ARL13B: variants seen among roughly 807,000 people sequenced by gnomAD.
The protein encoded by ARL13B is ARF like GTPase 13B, also known as ADP-ribosylation factor-like protein 13B.
ARL13B carries 36 observed loss-of-function variants against 56.1 expected under a neutral mutation model. The ratio of observed to expected loss-of-function variants is 0.64; its 90% CI spans 0.49 to 0.85. ARL13B has a LOEUF of 0.85. ARL13B is among the 40% of genes least tolerant of loss of function. The probability of loss-of-function intolerance (pLI) is 0.00; values close to 1 mark genes in which losing one functional copy is unlikely to be tolerated. For missense variants in ARL13B, 519 were observed against 507.1 expected (o/e 1.02, Z -0.23); for synonymous variants, 178 against 171.1 (o/e 1.04, Z -0.32).
rs1366277883 is a variant in ARL13B, at chr3:94,053,898, A to C, written c.*635A>C. On this transcript the variant is annotated 3_prime_UTR_variant, in exon 10 of 10. Transcript: ENST00000394222. The stretch of plus-strand genomic sequence containing the variant: ...TAATAGCGTTGTTCTTTAAGTGTAC[A>C]TCGTAATTTGACCTAATTTAAAAAT... 9.4e-6 allele frequency: 3 copies of C among 318,598 alleles called. No homozygotes were observed. The Admixed American group carries it at 1.3e-4, about 14-fold the overall frequency. The allele number at this position is 318,598 out of a possible 1,614,324, so 19.7% of individuals were successfully genotyped here. A position where few individuals can be genotyped will look rare whatever the true frequency, so the allele number is the denominator to read the frequency against.
At chr3:93,981,179 A>G (rs1710197762) in intron 1 of ARL13B, among the ~76,000 whole-genome samples, 1 of 152,242 alleles carries the variant, frequency 6.6e-6, no homozygotes, top group Non-Finnish European at 1.5e-5. Flanking sequence ...CTTGATATTC[A>G]TTCATTCAAA....
chr3:94,035,442 GTTTTT>G lies in ARL13B; in HGVS notation c.486+18_486+22del. The G allele has an allele frequency of 2.3e-6, 3 of 1,285,212 alleles. No individual in the cohort carries two copies. The highest frequency in any genetic ancestry group is 3.2e-6 in the Non-Finnish European group (3 of 936,202). 79.6% of individuals were successfully genotyped at this position (1,285,212 alleles called of 1,614,324 possible). A position where few individuals can be genotyped will look rare whatever the true frequency, so the allele number is the denominator to read the frequency against. ...ACAAGTGCCTGTGTCAGATAGTAAG[GTTTTT>G]TTTTTTTTTTTAATTTTAATTTTTT... On this transcript the variant is annotated splice_region_variant and intron_variant, in intron 4 of 9. Transcript: ENST00000394222.
chr3:94,029,315 TATATATATATATATATATA>T (rs1181580870), intron 3 of ARL13B, among the ~76,000 whole-genome samples: 1 of 98,224 alleles, frequency 1.0e-5, no homozygotes, highest in Non-Finnish European at 1.9e-5. Flanking sequence ...TATATATATA[TATATATATATATATATATA>T]TTTATTTTTT....
At chr3:94,017,300 G>A (rs1462143342) in intron 3 of ARL13B, among the ~76,000 whole-genome samples, 1 of 152,204 alleles carries the variant, frequency 6.6e-6, no homozygotes, top group South Asian at 2.1e-4. Context: ...ACTCCAAAGG[G>A]CAGTGGGTGG....
intron 3 of ARL13B, among the ~76,000 whole-genome samples, chr3:94,016,221 AT>A (rs2076330718): frequency 1.3e-5 from 2 of 152,184 alleles, no homozygotes; most frequent in Admixed American, 6.5e-5. Flanking sequence ...CTTTCAAGAC[AT>A]TTTTGAAGAT....
intron 1 of ARL13B, among the ~76,000 whole-genome samples, chr3:93,993,346 G>A (rs534081036): frequency 2.6e-5 from 4 of 151,682 alleles, no homozygotes; most frequent in East Asian, 3.9e-4. Flanking sequence ...GGCTGGTCTC[G>A]AACTCCTGAG....
At chr3:94,052,426 T>C (rs973578590) in intron 9 of ARL13B, among the ~76,000 whole-genome samples, 1 of 152,030 alleles carries the variant, frequency 6.6e-6, no homozygotes, top group African/African-American at 2.4e-5. Flanking sequence ...CATGGGCAGT[T>C]AGGGAAAGTG....
Position 94,049,389 on chromosome 3 carries a change from T to A in ARL13B, c.1025-17T>A. 1 of 1,482,516 alleles carries A rather than the reference T, an allele frequency of 6.7e-7. No homozygotes were observed. Among genetic ancestry groups the A allele is most frequent in the Non-Finnish European group, 9.4e-7 (1 of 1,068,352 alleles). The allele number at this position is 1,482,516 out of a possible 1,614,324, so 91.8% of individuals were successfully genotyped here. ...TTTTTCATAAAGACATGAAGTTTCA[T>A]GTTTATATTCTTGTAGCTAATGGTA... On this transcript the variant is annotated splice_polypyrimidine_tract_variant and intron_variant, in intron 7 of 9. Transcript: ENST00000394222.
In ARL13B at chr3:94,047,126, C is replaced by T. The variant is rs191212104; in HGVS notation, c.1025-2280C>T. On this transcript the variant is annotated intron_variant, in intron 7 of 9. Transcript: ENST00000394222. ...CTAGTAGTGTCAGCCACATGAGATG[C>T]GCCCTATAATTGTTGCTTCCTTGAC... 2.3e-3 allele frequency among the ~76,000 whole-genome samples: 346 copies of T among 152,200 alleles called. 5 individuals carry two copies. The highest frequency in any genetic ancestry group is 5.6e-4 in the Non-Finnish European group (38 of 68,004).
In ARL13B at chr3:94,015,260, G is replaced by A. The variant is rs775375684; in HGVS notation, c.380+11352G>A. On this transcript the variant is annotated intron_variant, in intron 3 of 9. Transcript: ENST00000394222. ...GTTCTCTGCTTTAGTTCTTGAAGTC[G>A]GTCTTTCATCTTCCCTTTCCTCCTA... 45 of 1,534,480 alleles carry A rather than the reference G, an allele frequency of 2.9e-5. No homozygotes were observed. The Admixed American group carries it at 5.7e-4, about 19-fold the overall frequency.
chr3:93,994,176 C>T (rs928537947), intron 1 of ARL13B, among the ~76,000 whole-genome samples: 1 of 152,188 alleles, frequency 6.6e-6, no homozygotes, highest in Admixed American at 6.5e-5. Context: ...GACTTCCTGT[C>T]TTCCTATTCT....
chr3:94,020,692 A>G (rs564084985), intron 3 of ARL13B, among the ~76,000 whole-genome samples: 77 of 152,354 alleles, frequency 5.1e-4, no homozygotes, highest in African/African-American at 1.8e-3. Context: ...CTTTATTGCC[A>G]CATGACTATA....
chr3:93,985,051 A>G (rs1362266916), intron 1 of ARL13B, among the ~76,000 whole-genome samples: 4 of 152,178 alleles, frequency 2.6e-5, no homozygotes, highest in Non-Finnish European at 5.9e-5. Flanking sequence ...CTAAATAAAA[A>G]TTTTAAATTC....
At position 94,053,803 on chromosome 3, in the gene ARL13B, T is replaced by C; in HGVS notation, c.*540T>C. On this transcript the variant is annotated 3_prime_UTR_variant, in exon 10 of 10. Transcript: ENST00000394222. ...ATTTGTTTAAATTATATCTGGAAAA[T>C]AGAGTTGATTTACTTTCAGACATGA... 2 of 291,710 alleles carry C rather than the reference T, an allele frequency of 6.9e-6. No homozygotes were observed. Among genetic ancestry groups the C allele is most frequent in the South Asian group, 6.6e-5 (2 of 30,260 alleles). 18.1% of individuals were successfully genotyped at this position (291,710 alleles called of 1,614,324 possible). A position where few individuals can be genotyped will look rare whatever the true frequency, so the allele number is the denominator to read the frequency against.
At chr3:94,029,328 A>G (rs187903370) in intron 3 of ARL13B, among the ~76,000 whole-genome samples, 50 of 98,754 alleles carry the variant, frequency 5.1e-4, no homozygotes, top group Admixed American at 7.8e-4. Context: ...ATATATATAT[A>G]TATATATTTA....
At chr3:94,010,757 C>A (rs1379171801) in intron 3 of ARL13B, among the ~76,000 whole-genome samples, 3 of 151,908 alleles carry the variant, frequency 2.0e-5, no homozygotes, top group Admixed American at 1.3e-4. Flanking sequence ...GTGCTTAAGT[C>A]TTGCTTTAAA....
intron 2 of ARL13B, among the ~76,000 whole-genome samples, chr3:93,998,186 T>C (rs2075997824): frequency 6.6e-6 from 1 of 152,244 alleles, no homozygotes; most frequent in Non-Finnish European, 1.5e-5. Flanking sequence ...AGATTTGACC[T>C]GGAGGCCATG....
chr3:94,042,043 C>T (rs532164616), intron 6 of ARL13B, among the ~76,000 whole-genome samples: 73 of 152,032 alleles, frequency 4.8e-4, no homozygotes, highest in Admixed American at 9.8e-4. Flanking sequence ...GGCGACAGAG[C>T]GAGACTCCAT....
At chr3:94,012,006 G>A (rs570455698) in intron 3 of ARL13B, among the ~76,000 whole-genome samples, 1 of 152,148 alleles carries the variant, frequency 6.6e-6, no homozygotes, top group South Asian at 2.1e-4. Context: ...ACCTAAAGTT[G>A]ACTGTTTCTT....
Sources: gnomAD v4.1 joint callset for allele counts (sites outside exome capture counted in the v4.1 genomes callset) on GRCh38, gnomAD v4.1.1 for gene constraint, MANE v1.5 for transcripts, NCBI Gene and HGNC (gene_info 2026-07-23, HGNC 2026-07-21) for gene names.